ZFYVE26: variants seen among roughly 807,000 people sequenced by gnomAD.
ZFYVE26 encodes the protein zinc finger FYVE domain-containing protein 26.
A neutral mutation model predicts 276.5 loss-of-function variants in ZFYVE26; 181 were observed. The ratio of observed to expected loss-of-function variants is 0.65; its 90% CI spans 0.58 to 0.74. The LOEUF (loss-of-function observed/expected upper bound fraction) is 0.74. ZFYVE26 is among the 30% of genes least tolerant of loss of function. ZFYVE26 has a pLI of 0.00. For missense variants in ZFYVE26, 2,821 were observed against 3,097.9 expected, an observed-to-expected ratio of 0.91 and a Z score of 2.12; for synonymous variants, 1,129 against 1,203.1, an observed-to-expected ratio of 0.94 and a Z score of 1.27.
At chr14:67,780,151 T>G in intron 23 of ZFYVE26, 90 bp downstream of exon 23, 1 of 1,196,956 alleles carries the variant, frequency 8.4e-7, no homozygotes, top group Non-Finnish European at 1.2e-6. Context: ...AAAGTGAACA[T>G]TGATATGCAG....
intron 16 of ZFYVE26, among the ~76,000 whole-genome samples, chr14:67,788,697 T>A (rs2039725362): frequency 6.6e-6 from 1 of 152,178 alleles, no homozygotes; most frequent in Non-Finnish European, 1.5e-5. Context: ...GGGGGTGGAC[T>A]TGGGGACCCC....
intron 13 of ZFYVE26, among the ~76,000 whole-genome samples, chr14:67,737,094 T>C (rs960828260): frequency 2.0e-5 from 3 of 148,746 alleles, no homozygotes; most frequent in South Asian, 2.2e-4. Flanking sequence ...TTTTCTTTTT[T>C]TTTTTTTTTT....
intron 3 of ZFYVE26, 108 bp from the exon 4 acceptor site, chr14:67,809,397 G>T: frequency 2.5e-5 from 15 of 600,362 alleles, no homozygotes; most frequent in Non-Finnish European, 3.7e-5. Context: ...ATTTCTCTAA[G>T]ATGAAGCACT....
chr14:67,816,171 C>T (rs1594944810), intron 1 of ZFYVE26, 125 bp from the exon 2 acceptor site: 1 of 548,296 alleles, frequency 1.8e-6, no homozygotes, highest in East Asian at 2.9e-5. Flanking sequence ...GTTTAATTTC[C>T]CACGTTACTT....
At chr14:67,745,180 T>C (rs1156234415), downstream of ZFYVE26, among the ~76,000 whole-genome samples, 4 of 152,256 alleles carry the variant, frequency 2.6e-5, no homozygotes, top group African/African-American at 9.6e-5. Context: ...ATGAGCTTTT[T>C]TCATGTTTGT....
intron 13 of ZFYVE26, 123 bp from the exon 14 acceptor site, chr14:67,793,882 AG>A: frequency 7.3e-7 from 1 of 1,373,838 alleles, no homozygotes; most frequent in South Asian, 1.2e-5. Flanking sequence ...GCCTGTAAAT[AG>A]GTCTTAATTT....
chr14:67,767,036 C>T (rs540914187), intron 31 of ZFYVE26, among the ~76,000 whole-genome samples: 7 of 152,174 alleles, frequency 4.6e-5, no homozygotes, highest in Middle Eastern at 3.4e-3. Flanking sequence ...GTCCATAGGT[C>T]CCCTCCTTTC....
rs193161121 is a variant in ZFYVE26, at chr14:67,734,295, C to G, written n.2680-4476G>C. ...AAAATATTTGCCACCACCCTGGAGTCTAGACCAACACACAAAGATCCTGGC... is the reference window on the plus strand; with the variant it reads ...AAAATATTTGCCACCACCCTGGAGTGTAGACCAACACACAAAGATCCTGGC... On this transcript the variant is annotated intron_variant and non_coding_transcript_variant, in intron 13 of 14. Coordinates refer to the ZFYVE26 transcript ENST00000394455. The G allele has an allele frequency of 2.3e-4, 41 of 180,592 alleles. No individual in the cohort carries two copies. The East Asian group carries it at 4.8e-3, about 21-fold the overall frequency. 11.2% of individuals were successfully genotyped at this position (180,592 alleles called of 1,614,324 possible). A position where few individuals can be genotyped will look rare whatever the true frequency, so the allele number is the denominator to read the frequency against.
At chr14:67,732,240 C>A (rs902744881) in intron 13 of ZFYVE26, among the ~76,000 whole-genome samples, 2 of 151,616 alleles carry the variant, frequency 1.3e-5, no homozygotes, top group Admixed American at 1.3e-4. Flanking sequence ...AATTCCATAC[C>A]AGCCTGGACA....
intron 13 of ZFYVE26, among the ~76,000 whole-genome samples, chr14:67,734,768 G>A (rs879778534): frequency 3.9e-5 from 6 of 152,270 alleles, no homozygotes; most frequent in East Asian, 3.9e-4. Flanking sequence ...GAGTGCTGAC[G>A]GAGACACTCT....
chr14:67,813,765 T>C (rs1399972509), intron 3 of ZFYVE26, among the ~76,000 whole-genome samples: 2 of 152,218 alleles, frequency 1.3e-5, no homozygotes, highest in East Asian at 1.9e-4. Flanking sequence ...ACAAGACTCA[T>C]GGTGGTATTT....
chr14:67,786,178 A>T lies in ZFYVE26; in HGVS notation c.3075T>A (p.Val1025=), dbSNP rs770000623. ...LNADGIRGFP[V]VLQQISKSLN... is the part of the protein sequence containing the mutation. The stretch of plus-strand genomic sequence containing the variant: ...GACTCTTACTGATTTGCTGAAGAAC[A>T]ACTGGAAAACCTCGAATGCCATCAG... Residue 1025 remains valine, a synonymous_variant, in exon 17 of 42, where the codon GTT becomes GTA. Coordinates refer to ENST00000347230, the MANE Select transcript of ZFYVE26 (RefSeq NM_015346.4). 1.2e-6 allele frequency: 2 copies of T among 1,612,094 alleles called. No individual in the cohort carries two copies. Among genetic ancestry groups the T allele is most frequent in the Admixed American group, 3.4e-5 (2 of 59,478 alleles).
intron 32 of ZFYVE26, 43 bp from the exon 33 acceptor site, chr14:67,762,862 C>T (rs1272017859): frequency 3.1e-6 from 5 of 1,611,056 alleles, no homozygotes; most frequent in Non-Finnish European, 3.4e-6. Context: ...TCCCTAGTGT[C>T]TTACTAAGAG....
At chr14:67,740,732 C>T (rs1334495425) in intron 13 of ZFYVE26, among the ~76,000 whole-genome samples, 1 of 151,960 alleles carries the variant, frequency 6.6e-6, no homozygotes, top group Non-Finnish European at 1.5e-5. Context: ...GATGGTGAAA[C>T]CCCTATCTCT....
intron 41 of ZFYVE26, chr14:67,750,824 G>A (rs1159890099): frequency 3.2e-6 from 2 of 619,782 alleles, no homozygotes; most frequent in Non-Finnish European, 5.9e-6. Flanking sequence ...TTTGTCTTGG[G>A]GATAAAGACT....
intron 9 of ZFYVE26, among the ~76,000 whole-genome samples, chr14:67,803,462 C>T (rs373115863): frequency 6.6e-6 from 1 of 152,166 alleles, no homozygotes; most frequent in East Asian, 1.9e-4. Flanking sequence ...CTGCCTCAGC[C>T]TCCCGTGTAG....
chr14:67,745,059 A>T (rs150157669), downstream of ZFYVE26, among the ~76,000 whole-genome samples: 54 of 152,298 alleles, frequency 3.5e-4, 1 homozygote, highest in East Asian at 6.0e-3. Context: ...ATTTCTCCAC[A>T]GCCTCGCCAG....
Position 67,769,739 on chromosome 14 carries a change from T to C in ZFYVE26, c.5485-9A>G, listed in dbSNP as rs1322405066. The C allele has an allele frequency of 4.3e-6, 7 of 1,613,992 alleles. No homozygotes were observed. The highest frequency in any genetic ancestry group is 5.9e-6 in the Non-Finnish European group (7 of 1,180,000). On this transcript the variant is annotated splice_polypyrimidine_tract_variant and intron_variant, in intron 28 of 41. Coordinates refer to ENST00000347230, the MANE Select transcript of ZFYVE26 (RefSeq NM_015346.4). ...TGATGACGCCTGTTAAACTGAGGAA[T>C]GCCATCAGGAGGAGAAGAAAGAGGG...
intron 28 of ZFYVE26, chr14:67,770,455 C>G (rs1343293772): frequency 9.8e-6 from 1 of 101,704 alleles, no homozygotes; most frequent in Non-Finnish European, 1.9e-5. Context: ...CAGAGCTAGA[C>G]TCTGTCTCAA....
Sources: gnomAD v4.1 joint callset for allele counts (sites outside exome capture counted in the v4.1 genomes callset) on GRCh38, gnomAD v4.1.1 for gene constraint, MANE v1.5 for transcripts, NCBI Gene and HGNC (gene_info 2026-07-23, HGNC 2026-07-21) for gene names.